The following GRIA3 variants were observed in gnomAD, a reference collection of about 807,000 sequenced individuals.
The protein encoded by GRIA3 is glutamate receptor 3.
A neutral mutation model predicts 63.0 loss-of-function variants in GRIA3; 3 were observed. That is an observed-to-expected ratio of 0.05 (90% CI 0.02 to 0.12). GRIA3 has a LOEUF of 0.12. Ranked by LOEUF, GRIA3 falls within the 10% of genes least tolerant of loss-of-function variation. The pLI is 1.00. For missense variants in GRIA3, 347 were observed against 700.9 expected (o/e 0.50, Z 5.70); for synonymous variants, 274 against 257.9 (o/e 1.06, Z -0.60).
intron 2 of GRIA3, among the ~76,000 whole-genome samples, chrX:123,246,027 T>A: frequency 9.0e-6 from 1 of 111,096 alleles, no homozygotes; most frequent in African/African-American, 3.3e-5. Context: ...AAGTAGTGAG[T>A]TCCCTTGTTA....
intron 3 of GRIA3, among the ~76,000 whole-genome samples, chrX:123,254,157 G>GTTTTT (rs1382092936): frequency 2.7e-5 from 3 of 111,217 alleles, no homozygotes; most frequent in Non-Finnish European, 3.8e-5. Flanking sequence ...TTTTGTTTTT[G>GTTTTT]TTTTTGTTTT....
chrX:123,326,383 A>AG (rs1215624772), intron 4 of GRIA3, among the ~76,000 whole-genome samples, 170 bp downstream of exon 4: 1 of 109,039 alleles, frequency 9.2e-6, no homozygotes. Flanking sequence ...AAAAAAAAAA[A>AG]AAAGAAAGAA....
intron 3 of GRIA3, among the ~76,000 whole-genome samples, chrX:123,303,260 G>A (rs946897108): frequency 9.0e-6 from 1 of 111,000 alleles, no homozygotes; most frequent in African/African-American, 3.3e-5. Context: ...TTTTAGAGCA[G>A]TGCTTTGGTT....
chrX:123,359,690 A>C (rs1313168861), intron 5 of GRIA3, among the ~76,000 whole-genome samples: 1 of 112,216 alleles, frequency 8.9e-6, no homozygotes, highest in Non-Finnish European at 1.9e-5. Flanking sequence ...TGAATGATCC[A>C]ACAACAGATG....
intron 3 of GRIA3, among the ~76,000 whole-genome samples, chrX:123,292,224 T>C (rs2044660254): frequency 8.9e-6 from 1 of 112,085 alleles, no homozygotes; most frequent in Non-Finnish European, 1.9e-5. Flanking sequence ...GGATCATTTT[T>C]AAAAACTGTG....
At chrX:123,462,289 A>G (rs2045797280) in intron 12 of GRIA3, among the ~76,000 whole-genome samples, 1 of 111,835 alleles carries the variant, frequency 8.9e-6, no homozygotes, top group Non-Finnish European at 1.9e-5. Context: ...ATCTTCCAAT[A>G]GTCTCCTATA....
intron 4 of GRIA3, among the ~76,000 whole-genome samples, chrX:123,326,540 T>A (rs913370466): frequency 3.6e-5 from 4 of 111,964 alleles, no homozygotes; most frequent in African/African-American, 1.3e-4. Flanking sequence ...ATCCCCTTCC[T>A]TTCCCATACC....
chrX:123,302,036 G>T (rs2044726448), intron 3 of GRIA3, among the ~76,000 whole-genome samples: 1 of 112,080 alleles, frequency 8.9e-6, no homozygotes, highest in African/African-American at 3.2e-5. Context: ...GATACAGGCT[G>T]CACAAGGCCT....
rs1003722492 is a variant in GRIA3, at chrX:123,335,595, G to A, written c.696+9382G>A. Among the ~76,000 whole-genome samples, 5 of 111,446 alleles carry A rather than the reference G, an allele frequency of 4.5e-5. No homozygotes were observed. The Admixed American group carries it at 4.8e-4, about 11-fold the overall frequency. ...ATGCCGCATTTTAGCATTAAGGCTG[G>A]TATCTTATTCCAAAATTATAAAAAT... On this transcript the variant is annotated intron_variant, in intron 4 of 15. Coordinates refer to ENST00000620443, the MANE Select transcript of GRIA3 (RefSeq NM_007325.5).
chrX:123,326,383 A>AAAAG (rs1216832653), intron 4 of GRIA3, among the ~76,000 whole-genome samples, 170 bp downstream of exon 4: 5 of 109,006 alleles, frequency 4.6e-5, no homozygotes, highest in Non-Finnish European at 3.8e-5. Flanking sequence ...AAAAAAAAAA[A>AAAAG]AAAGAAAGAA....
chrX:123,390,370 T>C (rs532373688), intron 5 of GRIA3, among the ~76,000 whole-genome samples: 16 of 112,441 alleles, frequency 1.4e-4, no homozygotes, highest in South Asian at 3.7e-4. Flanking sequence ...CCTTCATTTA[T>C]GAAAGGCAAC....
intron 9 of GRIA3, 100 bp downstream of exon 9, chrX:123,403,619 G>A: frequency 3.3e-6 from 2 of 606,937 alleles, no homozygotes; most frequent in Non-Finnish European, 5.7e-6. Flanking sequence ...AGTTCAAACA[G>A]TAAAAACTTC....
At chrX:123,284,919 C>T (rs192645220) in intron 3 of GRIA3, among the ~76,000 whole-genome samples, 59 of 110,823 alleles carry the variant, frequency 5.3e-4, no homozygotes, top group Non-Finnish European at 1.7e-4. Context: ...AGATACTCCT[C>T]GAGAAGAGCA....
rs191891803 is a variant in GRIA3 at position 123,281,159 on chromosome X, C to T, written c.508+27617C>T. 2.8e-4 allele frequency among the ~76,000 whole-genome samples: 31 copies of T among 111,731 alleles called. 1 individual carries two copies. In the East Asian group the frequency reaches 8.2e-3, roughly 29 times the overall value. ...AGTAATATATGAATATATACTCAAA[C>T]TTTAGTAGCACTCAGAATAGCTTAG... On this transcript the variant is annotated intron_variant, in intron 3 of 15. Coordinates refer to ENST00000620443, the MANE Select transcript of GRIA3 (RefSeq NM_007325.5).
intron 3 of GRIA3, among the ~76,000 whole-genome samples, chrX:123,265,244 A>G (rs910625279): frequency 8.9e-6 from 1 of 112,081 alleles, no homozygotes; most frequent in African/African-American, 3.2e-5. Flanking sequence ...TGACCCTTAA[A>G]TAACATGGGA....
intron 11 of GRIA3, among the ~76,000 whole-genome samples, chrX:123,424,862 A>G (rs766196636): frequency 1.8e-5 from 2 of 111,849 alleles, no homozygotes; most frequent in South Asian, 7.5e-4. Context: ...GCCTCAATAC[A>G]ATGGCACAGT....
intron 13 of GRIA3, among the ~76,000 whole-genome samples, chrX:123,466,229 T>C (rs1375450153): frequency 3.6e-5 from 4 of 111,729 alleles, no homozygotes; most frequent in African/African-American, 1.3e-4. Context: ...GGTTGGTTGG[T>C]TGAGTAAGGG....
rs1210353148 is a variant in GRIA3 at position 123,490,731 on chromosome X, T to C, written c.*2021T>C. The C allele has an allele frequency of 8.9e-6, 1 of 112,133 alleles. No individual in the cohort carries two copies. Among genetic ancestry groups the C allele is most frequent in the Admixed American group, 9.5e-5 (1 of 10,564 alleles). The allele number at this position is 112,133 out of a possible 1,213,427, so 9.2% of individuals were successfully genotyped here. A position where few individuals can be genotyped will look rare whatever the true frequency, so the allele number is the denominator to read the frequency against. ...GAGTTTGGCAGTAGTCACTTGAGGA[T>C]TTTTTTTCCAATTCTTTTCTTTTTG... On this transcript the variant is annotated 3_prime_UTR_variant, in exon 16 of 16. Transcript: ENST00000620443.
intron 3 of GRIA3, among the ~76,000 whole-genome samples, chrX:123,316,769 C>A (rs1436535677): frequency 8.9e-6 from 1 of 112,114 alleles, no homozygotes; most frequent in Admixed American, 9.4e-5. Context: ...AGGCAAGACA[C>A]AAATACAGTC....
Sources: allele counts gnomAD v4.1 joint callset (sites outside exome capture counted in the v4.1 genomes callset), GRCh38; gene constraint gnomAD v4.1.1; transcripts MANE v1.5; gene names NCBI Gene and HGNC (gene_info 2026-07-23, HGNC 2026-07-21).